RCC1L: variants seen among roughly 807,000 people sequenced by gnomAD.
The protein encoded by RCC1L is RCC1 like.
In RCC1L, 46 loss-of-function variants were observed where a neutral mutation model predicts 58.6. That is an observed-to-expected ratio of 0.79 (90% CI 0.62 to 1.00). RCC1L has a LOEUF of 1.00. RCC1L is among the 50% of genes least tolerant of loss of function. The pLI, the probability that RCC1L is intolerant of heterozygous loss-of-function variation, is 0.00. For synonymous variants in RCC1L, 281 were observed against 262.9 expected (o/e 1.07, Z -0.67); for missense variants, 636 against 623.6 (o/e 1.02, Z -0.21).
In RCC1L at chr7:75,043,148, C is replaced by T. The variant is rs1218851722; in HGVS notation, c.1318-39G>A. 19 of 1,611,928 alleles carry T rather than the reference C, an allele frequency of 1.2e-5. No individual in the cohort carries two copies. The East Asian group carries it at 2.7e-4, about 23-fold the overall frequency. ...TCCAGCATACCATGGGTGGGGGTGG[C>T]GCACCCGGAGGAGACAGGCGCTGGT... On this transcript the variant is annotated intron_variant, in intron 10 of 10. Coordinates refer to ENST00000610322, the MANE Select transcript of RCC1L (RefSeq NM_030798.5).
rs1263666914 is a variant in RCC1L at position 75,054,707 on chromosome 7, G to A, written c.1231+1194C>T. Among the ~76,000 whole-genome samples, 12 of 152,242 alleles carry A rather than the reference G, an allele frequency of 7.9e-5. No individual in the cohort carries two copies. In the East Asian group the frequency reaches 1.2e-3, roughly 15 times the overall value. On this transcript the variant is annotated intron_variant, in intron 9 of 10. Coordinates refer to ENST00000610322, the MANE Select transcript of RCC1L (RefSeq NM_030798.5). Reference sequence around the variant, plus strand: ...TGAGGCAGGAGAATCGTTTGAACTCGGGAGGCGGAGGTTGCAGTGAGCCAA... The same window carrying A: ...TGAGGCAGGAGAATCGTTTGAACTCAGGAGGCGGAGGTTGCAGTGAGCCAA...
downstream of RCC1L, among the ~76,000 whole-genome samples, chr7:75,041,010 G>C (rs1267470464): frequency 5.3e-5 from 8 of 152,068 alleles, no homozygotes; most frequent in Non-Finnish European, 1.2e-4. Flanking sequence ...CTGAGGTCAG[G>C]AGTTCGAGAA....
chr7:75,034,614 A>C (rs1165732455), intron 10 of RCC1L, among the ~76,000 whole-genome samples: 2 of 152,162 alleles, frequency 1.3e-5, no homozygotes, highest in Non-Finnish European at 2.9e-5. Context: ...AGAACATCAC[A>C]TTTGGGATGT....
chr7:75,049,752 G>A (rs2131984284), intron 10 of RCC1L, among the ~76,000 whole-genome samples: 1 of 152,046 alleles, frequency 6.6e-6, no homozygotes, highest in Non-Finnish European at 1.5e-5. Context: ...GGTTGTGCAA[G>A]CCTGTAATCC....
chr7:75,069,919 T>C (rs1349277609), intron 2 of RCC1L, among the ~76,000 whole-genome samples: 3 of 152,198 alleles, frequency 2.0e-5, no homozygotes, highest in African/African-American at 4.8e-5. Context: ...ATGTCTACTT[T>C]TTAAAATGCC....
At chr7:75,069,189 CTTTCT>C (rs1806630970) in intron 2 of RCC1L, among the ~76,000 whole-genome samples, 1 of 142,794 alleles carries the variant, frequency 7.0e-6, no homozygotes. Context: ...TTTAGGAACT[CTTTCT>C]TTTTTCTTTT....
chr7:75,039,707 C>T (rs1489013111), downstream of RCC1L, among the ~76,000 whole-genome samples: 2 of 152,106 alleles, frequency 1.3e-5, no homozygotes, highest in Non-Finnish European at 2.9e-5. Context: ...TTACTGACCC[C>T]ATCAGAGAGA....
intron 10 of RCC1L, among the ~76,000 whole-genome samples, chr7:75,031,280 A>C (rs1805295943): frequency 6.6e-6 from 1 of 151,968 alleles, no homozygotes. Flanking sequence ...TCCAACCCTC[A>C]CCTGGCGTGC....
In RCC1L at chr7:75,067,632, T is replaced by TA. The variant is rs57117199; in HGVS notation, c.455-841dup. ...TGGGAGACAGAGCGAGACACTGTTTTAAAAAAAAAATACAAAAATACAAAA... is the reference window on the plus strand; with the variant it reads ...TGGGAGACAGAGCGAGACACTGTTTTAAAAAAAAAAATACAAAAATACAAAA... On this transcript the variant is annotated intron_variant, in intron 2 of 10. Coordinates refer to ENST00000610322, the MANE Select transcript of RCC1L (RefSeq NM_030798.5). Among the ~76,000 whole-genome samples, 871 of 149,756 alleles carry TA rather than the reference T, an allele frequency of 5.8e-3. 7 individuals are homozygous for TA. The highest frequency in any genetic ancestry group is 0.031 in the South Asian group (147 of 4,724).
intron 9 of RCC1L, among the ~76,000 whole-genome samples, chr7:75,054,231 C>A (rs1033736137): frequency 6.6e-6 from 1 of 152,110 alleles, no homozygotes. Context: ...TAGAACAATT[C>A]GGCCTGGCTC....
intron 6 of RCC1L, among the ~76,000 whole-genome samples, chr7:75,059,889 T>C (rs1584499043): frequency 6.6e-6 from 1 of 152,104 alleles, no homozygotes; most frequent in African/African-American, 2.4e-5. Context: ...GCCTCCTGAG[T>C]AGCTGGGACT....
chr7:75,042,682 C>G lies in RCC1L; in HGVS notation c.*350G>C, dbSNP rs1174858165. On this transcript the variant is annotated 3_prime_UTR_variant, in exon 11 of 11. Transcript: ENST00000610322. ...CATGACAGACAGAGCAGAAACCTCC[C>G]GAGCACTGTGTTCAAGCTAAGCTTT... 1 of 1,186,530 alleles carries G rather than the reference C, an allele frequency of 8.4e-7. No individual in the cohort carries two copies. Among genetic ancestry groups the G allele is most frequent in the Admixed American group, 4.2e-5 (1 of 23,658 alleles). 73.5% of individuals were successfully genotyped at this position (1,186,530 alleles called of 1,614,324 possible).
At chr7:75,061,617 T>C (rs1476903472) in intron 5 of RCC1L, among the ~76,000 whole-genome samples, 1 of 152,042 alleles carries the variant, frequency 6.6e-6, no homozygotes, top group Non-Finnish European at 1.5e-5. Context: ...CTTCCAGCCT[T>C]GCTCACACAC....
intron 1 of RCC1L, among the ~76,000 whole-genome samples, chr7:75,072,654 G>C (rs1263018980): frequency 6.6e-6 from 1 of 152,102 alleles, no homozygotes; most frequent in East Asian, 1.9e-4. Flanking sequence ...AGTGAGGTTG[G>C]ATATAGACCA....
intron 8 of RCC1L, 50 bp from the exon 9 acceptor site, chr7:75,056,124 T>C: frequency 6.2e-7 from 1 of 1,604,722 alleles, no homozygotes; most frequent in Non-Finnish European, 8.5e-7. Context: ...AGTAAGAACC[T>C]CCCTCACCAG....
intron 9 of RCC1L, chr7:75,055,641 C>G (rs1806051146): frequency 2.0e-6 from 1 of 511,334 alleles, no homozygotes; most frequent in East Asian, 3.7e-5. Context: ...CCGACGGGTG[C>G]TCTCTTGAGA....
chr7:75,037,253 C>T (rs954834566), downstream of RCC1L, among the ~76,000 whole-genome samples: 5 of 152,032 alleles, frequency 3.3e-5, no homozygotes, highest in Admixed American at 2.6e-4. Flanking sequence ...GGTGTGATCT[C>T]GACTCACTGC....
intron 10 of RCC1L, among the ~76,000 whole-genome samples, chr7:75,036,225 TC>T (rs1206863781): frequency 2.7e-5 from 4 of 150,826 alleles, no homozygotes; most frequent in Non-Finnish European, 5.9e-5. Flanking sequence ...CAAGCAATTC[TC>T]CTGCCTCAGC....
chr7:75,058,081 C>T lies in RCC1L; in HGVS notation c.970-465G>A, dbSNP rs1378438630. On this transcript the variant is annotated intron_variant, in intron 7 of 10. Coordinates refer to ENST00000610322, the MANE Select transcript of RCC1L (RefSeq NM_030798.5). ...GCTGAGCCAGGAGAATTGCTTGTACCCAGGAGGTGGAGGTGGTATTTTTGT... is the reference window on the plus strand; with the variant it reads ...GCTGAGCCAGGAGAATTGCTTGTACTCAGGAGGTGGAGGTGGTATTTTTGT... The T allele has an allele frequency of 4.7e-5, 9 of 192,036 alleles. 3 individuals carry two copies. Among genetic ancestry groups the T allele is most frequent in the African/African-American group, 1.8e-4 (4 of 22,262 alleles). The allele number at this position is 192,036 out of a possible 1,614,324, so 11.9% of individuals were successfully genotyped here.
Sources: gnomAD v4.1 joint callset for allele counts (sites outside exome capture counted in the v4.1 genomes callset) on GRCh38, gnomAD v4.1.1 for gene constraint, MANE v1.5 for transcripts, NCBI Gene and HGNC (gene_info 2026-07-23, HGNC 2026-07-21) for gene names.